Variants in DDX1 observed in about 807,000 individuals in gnomAD.
DDX1 encodes ATP-dependent RNA helicase DDX1.
Under a neutral mutation model 108.7 loss-of-function variants are expected in DDX1, and 28 were observed. That is an observed-to-expected ratio of 0.26 (90% CI 0.19 to 0.35). The LOEUF (loss-of-function observed/expected upper bound fraction) is 0.35. Ranked by LOEUF, DDX1 falls within the 10% of genes least tolerant of loss-of-function variation. The probability of loss-of-function intolerance (pLI) is 1.00; values close to 1 mark genes in which losing one functional copy is unlikely to be tolerated. For synonymous variants in DDX1, 295 were observed against 288.9 expected (o/e 1.02, Z -0.21); for missense variants, 710 against 884.5 (o/e 0.80, Z 2.50).
At position 15,628,483 on chromosome 2, in the gene DDX1, T is replaced by C. The variant is rs1453078029; in HGVS notation, c.1725T>C (p.Ala575=). ...DVRFLICTDV[A]ARGIDIHGVP... is the part of the protein sequence containing the mutation. ...GATTCTTGATTTGCACAGATGTAGC[T>C]GCTAGAGGAATTGATATCCACGGTG... is the stretch of plus-strand genomic sequence containing the variant. Residue 575 remains alanine, a synonymous_variant, in exon 21 of 26, where the codon GCT becomes GCC. Coordinates refer to ENST00000233084, the MANE Select transcript of DDX1 (RefSeq NM_004939.3). 1.9e-6 allele frequency: 3 copies of C among 1,613,510 alleles called. No homozygotes were observed. The highest frequency in any genetic ancestry group is 1.7e-6 in the Non-Finnish European group (2 of 1,179,538).
chr2:15,613,775 A>T (rs1272920358), intron 14 of DDX1, among the ~76,000 whole-genome samples: 1 of 152,022 alleles, frequency 6.6e-6, no homozygotes, highest in Non-Finnish European at 1.5e-5. Flanking sequence ...CAGCCATGCC[A>T]TTACGAAGGA....
chr2:15,620,278 C>T lies in DDX1; in HGVS notation c.1277C>T (p.Pro426Leu). The T allele has an allele frequency of 6.2e-7, 1 of 1,614,022 alleles. No individual in the cohort carries two copies. Among genetic ancestry groups the T allele is most frequent in the South Asian group, 1.1e-5 (1 of 91,062 alleles). Residue 426 changes from proline (P) to leucine (L), a missense_variant, in exon 17 of 26, where the codon CCT becomes CTT. Around this residue, in one of 3 missense-constraint regions of DDX1, gnomAD observed 661 missense variants for 810.2 expected, o/e 0.82. Transcript: ENST00000233084. ...CTGTCCGAGAAGATAATGCATTTTCCTACATGGGTTGACTTAAAAGGAGAA... is the reference window on the plus strand; with the variant it reads ...CTGTCCGAGAAGATAATGCATTTTCTTACATGGGTTGACTTAAAAGGAGAA... ...KKLSEKIMHF[P>L]TWVDLKGEDS...
chr2:15,595,023 A>G, intron 1 of DDX1, 122 bp from the exon 2 acceptor site: 1 of 676,916 alleles, frequency 1.5e-6, no homozygotes, highest in East Asian at 2.9e-5. Flanking sequence ...CACGCTCAGT[A>G]GATTTGATGT....
At chr2:15,598,707 A>G (rs567665434) in intron 5 of DDX1, among the ~76,000 whole-genome samples, 78 of 152,296 alleles carry the variant, frequency 5.1e-4, no homozygotes, top group Non-Finnish European at 9.7e-4. Context: ...CTGATGATGG[A>G]TATCTTTTGA....
chr2:15,626,858 T>G (rs1666106548), intron 19 of DDX1, among the ~76,000 whole-genome samples, 196 bp from the exon 20 acceptor site: 1 of 152,144 alleles, frequency 6.6e-6, no homozygotes, highest in Non-Finnish European at 1.5e-5. Context: ...CAGGACAACT[T>G]TAATGCTCCG....
chr2:15,610,960 T>C (rs1338013461), intron 13 of DDX1, among the ~76,000 whole-genome samples: 1 of 150,064 alleles, frequency 6.7e-6, no homozygotes, highest in Non-Finnish European at 1.5e-5. Context: ...CACAGGACAA[T>C]AGTGGAGGGA....
rs369113653 is a variant in DDX1, at chr2:15,591,966, T to C, written c.16+17T>C. The C allele has an allele frequency of 3.6e-6, 5 of 1,408,258 alleles. No individual in the cohort carries two copies. Among genetic ancestry groups the C allele is most frequent in the Middle Eastern group, 1.8e-4 (1 of 5,416 alleles). The allele number at this position is 1,408,258 out of a possible 1,614,324, so 87.2% of individuals were successfully genotyped here. On this transcript the variant is annotated intron_variant, in intron 1 of 25. Coordinates refer to ENST00000233084, the MANE Select transcript of DDX1 (RefSeq NM_004939.3). ...CCTTCTCCGGTGCGTTTGTGGAAAC[T>C]CTGGGGGTGGTGGGGCGGCTTGTTG...
intron 4 of DDX1, 47 bp from the exon 5 acceptor site, chr2:15,597,328 C>A: frequency 2.6e-6 from 3 of 1,159,244 alleles, no homozygotes; most frequent in Non-Finnish European, 2.5e-6. Flanking sequence ...ATTAAATTGT[C>A]GTTAATATGT....
chr2:15,603,769 T>G (rs759815852), intron 8 of DDX1, 45 bp from the exon 9 acceptor site: 1 of 1,325,604 alleles, frequency 7.5e-7, no homozygotes, highest in East Asian at 2.4e-5. Context: ...TCTTTTAATT[T>G]TATATTTTCT....
chr2:15,602,078 T>C (rs529805525), intron 6 of DDX1, among the ~76,000 whole-genome samples: 40 of 152,340 alleles, frequency 2.6e-4, no homozygotes, highest in African/African-American at 8.9e-4. Context: ...TGTTATCTTT[T>C]AGTTATATAG....
At chr2:15,625,198 T>A (rs187544049) in intron 19 of DDX1, among the ~76,000 whole-genome samples, 1 of 151,830 alleles carries the variant, frequency 6.6e-6, no homozygotes, top group African/African-American at 2.4e-5. Flanking sequence ...ATGAAAGAAT[T>A]CTTACTCAAG....
At chr2:15,612,779 C>G (rs551092278) in intron 13 of DDX1, among the ~76,000 whole-genome samples, 1 of 152,202 alleles carries the variant, frequency 6.6e-6, no homozygotes, top group Non-Finnish European at 1.5e-5. Flanking sequence ...CCGAGGCTGG[C>G]GGATCACTCG....
rs1275232940 is a variant in DDX1, at chr2:15,619,820, GA to G, written c.1207-383del. Among the ~76,000 whole-genome samples the G allele has an allele frequency of 2.6e-5, 4 of 152,104 alleles. 1 individual carries two copies. The highest frequency in any genetic ancestry group is 5.9e-5 in the Non-Finnish European group (4 of 68,020). ...TATTAGTACTGTTGCCTGTTCGAAGGAAAAATAACTTCAGCTATTGAAAAAT... is the reference window on the plus strand; with the variant it reads ...TATTAGTACTGTTGCCTGTTCGAAGGAAAATAACTTCAGCTATTGAAAAAT... On this transcript the variant is annotated intron_variant, in intron 16 of 25. Transcript: ENST00000233084.
intron 4 of DDX1, among the ~76,000 whole-genome samples, chr2:15,597,111 T>C (rs552474004): frequency 3.2e-4 from 49 of 152,340 alleles, no homozygotes; most frequent in African/African-American, 1.1e-3. Flanking sequence ...GACTGGATGG[T>C]ATTTTTCCTC....
intron 6 of DDX1, among the ~76,000 whole-genome samples, chr2:15,601,839 G>A (rs1433090443): frequency 6.6e-6 from 1 of 152,208 alleles, no homozygotes; most frequent in South Asian, 2.1e-4. Context: ...AACCAGGACA[G>A]AAATTATAGT....
In DDX1 at chr2:15,617,229, T is replaced by C; in HGVS notation, c.1018-15T>C. ...TCTTTAGTTTTCATTAAGTGGTTGGTTTGCTTTTTTTCAGGTAGATATAGT... is the reference window on the plus strand; with the variant it reads ...TCTTTAGTTTTCATTAAGTGGTTGGCTTGCTTTTTTTCAGGTAGATATAGT... On this transcript the variant is annotated splice_polypyrimidine_tract_variant and intron_variant, in intron 14 of 25. Coordinates refer to ENST00000233084, the MANE Select transcript of DDX1 (RefSeq NM_004939.3). 1 of 1,451,916 alleles carries C rather than the reference T, an allele frequency of 6.9e-7. No individual in the cohort carries two copies. The highest frequency in any genetic ancestry group is 2.3e-5 in the East Asian group (1 of 42,874). 89.9% of individuals were successfully genotyped at this position (1,451,916 alleles called of 1,614,324 possible).
chr2:15,601,385 A>C (rs1025072945), intron 6 of DDX1, among the ~76,000 whole-genome samples: 2 of 152,172 alleles, frequency 1.3e-5, no homozygotes, highest in Admixed American at 6.5e-5. Context: ...TCAATCACAC[A>C]AGACTGTCCC....
chr2:15,616,048 A>G (rs770194622), intron 14 of DDX1, among the ~76,000 whole-genome samples: 11 of 135,448 alleles, frequency 8.1e-5, no homozygotes, highest in Admixed American at 2.3e-4. Context: ...GCACGCCGCC[A>G]TGCCCGGCTA....
intron 14 of DDX1, among the ~76,000 whole-genome samples, chr2:15,614,534 T>C (rs1448253578): frequency 6.6e-6 from 1 of 152,214 alleles, no homozygotes. Context: ...GCGGGGGCTT[T>C]TAACAGATGA....
Sources: gnomAD v4.1 joint callset for allele counts (sites outside exome capture counted in the v4.1 genomes callset) on GRCh38, gnomAD v4.1.1 for gene constraint, gnomAD v4.1.1 regional missense constraint, MANE v1.5 for transcripts, NCBI Gene and HGNC (gene_info 2026-07-23, HGNC 2026-07-21) for gene names.